PLS1: variants seen among roughly 807,000 people sequenced by gnomAD.
PLS1 encodes plastin-1.
Under a neutral mutation model 73.7 loss-of-function variants are expected in PLS1, and 32 were observed. That is an observed-to-expected ratio of 0.43 (90% CI 0.33 to 0.58). The LOEUF (loss-of-function observed/expected upper bound fraction) is 0.58, where lower values mean the gene tolerates loss of function less well. Among genes scored for constraint, PLS1 ranks in the 20% least tolerant of loss-of-function variants. The pLI is 0.04. For synonymous variants in PLS1, 217 were observed against 261.3 expected (o/e 0.83, Z 1.63); for missense variants, 633 against 740.5 (o/e 0.85, Z 1.68).
At chr3:142,639,640 G>A (rs991258502) in intron 1 of PLS1, among the ~76,000 whole-genome samples, 3 of 151,980 alleles carry the variant, frequency 2.0e-5, no homozygotes, top group African/African-American at 7.3e-5. Flanking sequence ...TACTAACATT[G>A]CTGTTTAGCT....
chr3:142,689,856 C>CA, intron 10 of PLS1, 43 bp downstream of exon 10: 1 of 1,265,246 alleles, frequency 7.9e-7, no homozygotes, highest in Non-Finnish European at 1.1e-6. Context: ...TATTTATCTT[C>CA]TTATGGTATT....
intron 14 of PLS1, among the ~76,000 whole-genome samples, chr3:142,706,038 A>G (rs556867182): frequency 5.9e-5 from 9 of 152,188 alleles, no homozygotes; most frequent in Non-Finnish European, 1.3e-4. Context: ...TATTCTTTAA[A>G]ATTGTTATGT....
At chr3:142,696,855 AT>A (rs899886900) in intron 11 of PLS1, among the ~76,000 whole-genome samples, 57 of 149,308 alleles carry the variant, frequency 3.8e-4, no homozygotes, top group African/African-American at 1.4e-3. Context: ...TACTTCAGTG[AT>A]TTTTTTTTAT....
intron 12 of PLS1, among the ~76,000 whole-genome samples, chr3:142,700,679 T>G (rs888979421): frequency 6.6e-6 from 1 of 152,238 alleles, no homozygotes; most frequent in Non-Finnish European, 1.5e-5. Context: ...TATGTAACTC[T>G]TCTCATTGTC....
chr3:142,696,173 G>A (rs1392771445), intron 11 of PLS1, among the ~76,000 whole-genome samples: 1 of 152,186 alleles, frequency 6.6e-6, no homozygotes, highest in Non-Finnish European at 1.5e-5. Flanking sequence ...TAATTAAAGA[G>A]TAAGCTTAAA....
rs1033845315 is a variant in PLS1 at position 142,676,939 on chromosome 3, C to CT, written c.497+659dup. Among the ~76,000 whole-genome samples the CT allele has an allele frequency of 2.1e-4, 32 of 151,190 alleles. 1 individual carries two copies. The highest frequency in any genetic ancestry group is 8.4e-4 in the South Asian group (4 of 4,760). ...AATATTCTAACACATTTCCTTCAGT[C>CT]TTTTTTTTTATGTTTTTACTTAAAA... is the stretch of plus-strand genomic sequence containing the variant. On this transcript the variant is annotated intron_variant, in intron 5 of 15. Transcript: ENST00000457734.
Position 142,704,576 on chromosome 3 carries a change from C to T in PLS1, c.1619C>T (p.Ser540Phe). 1.3e-6 allele frequency: 2 copies of T among 1,582,794 alleles called. No individual in the cohort carries two copies. Among genetic ancestry groups the T allele is most frequent in the African/African-American group, 1.4e-5 (1 of 72,254 alleles). ...LKSANKKTSI[S>F]SFKDKSISTS... Reference sequence around the variant, plus strand: ...AGTGCAAACAAAAAGACTTCTATTTCCAGCTTCAAGGTAATCAAGAGTCCT... The same window carrying T: ...AGTGCAAACAAAAAGACTTCTATTTTCAGCTTCAAGGTAATCAAGAGTCCT... Residue 540 changes from serine (S) to phenylalanine (F), a missense_variant, in exon 14 of 16, where the codon TCC (serine) becomes TTC (phenylalanine). By Grantham distance (155) the Ser-to-Phe change is radical (BLOSUM62 -2). Transcript: ENST00000457734.
intron 15 of PLS1, 91 bp downstream of exon 15, chr3:142,711,716 T>A: frequency 7.6e-7 from 1 of 1,323,542 alleles, no homozygotes. Flanking sequence ...AAATTCATAT[T>A]TTTAAATATA....
At chr3:142,628,952 C>T (rs1017970602) in intron 1 of PLS1, among the ~76,000 whole-genome samples, 2 of 152,180 alleles carry the variant, frequency 1.3e-5, no homozygotes, top group Admixed American at 6.5e-5. Flanking sequence ...TGACGAAATT[C>T]TCTTATGGCA....
intron 2 of PLS1, among the ~76,000 whole-genome samples, chr3:142,669,147 G>C (rs1294847570): frequency 2.0e-5 from 3 of 152,086 alleles, no homozygotes; most frequent in Non-Finnish European, 4.4e-5. Flanking sequence ...CCTGGGCTCA[G>C]GCAGTCCCCT....
chr3:142,651,475 A>C (rs2037090299), intron 1 of PLS1, among the ~76,000 whole-genome samples: 1 of 151,366 alleles, frequency 6.6e-6, no homozygotes, highest in South Asian at 2.1e-4. Flanking sequence ...AAAAAAAAAA[A>C]AAAAAAAAAA....
chr3:142,664,398 C>A, intron 2 of PLS1, 91 bp downstream of exon 2: 2 of 623,872 alleles, frequency 3.2e-6, no homozygotes, highest in Admixed American at 2.7e-5. Context: ...CATCTACCAC[C>A]ACCCAATTAC....
At chr3:142,647,475 T>C (rs2036977037) in intron 1 of PLS1, among the ~76,000 whole-genome samples, 1 of 151,372 alleles carries the variant, frequency 6.6e-6, no homozygotes, top group Non-Finnish European at 1.5e-5. Flanking sequence ...GTAGTCTGCC[T>C]GTTCATTTTT....
intron 1 of PLS1, among the ~76,000 whole-genome samples, chr3:142,651,180 C>T (rs2037079834): frequency 1.3e-5 from 2 of 151,772 alleles, no homozygotes; most frequent in East Asian, 3.9e-4. Context: ...GGAGACAGGG[C>T]CGGGCACAGT....
chr3:142,645,577 G>A (rs2036936139), intron 1 of PLS1: 1 of 152,162 alleles, frequency 6.6e-6, no homozygotes, highest in Non-Finnish European at 1.5e-5. Context: ...TTACAAACCA[G>A]GAGGTAATAC....
intron 1 of PLS1, among the ~76,000 whole-genome samples, chr3:142,622,210 A>T (rs917886526): frequency 6.6e-6 from 1 of 152,208 alleles, no homozygotes; most frequent in Non-Finnish European, 1.5e-5. Context: ...TTCAATACAG[A>T]TGTCCTTTAA....
rs1476929975 is a variant in PLS1 at position 142,600,897 on chromosome 3, TATATATATATATATA to T, written c.-37+4389_-37+4403del. Among the ~76,000 whole-genome samples, 70 of 29,796 alleles carry T rather than the reference TATATATATATATATA, an allele frequency of 2.3e-3. 5 individuals carry two copies. Among genetic ancestry groups the T allele is most frequent in the African/African-American group, 0.011 (60 of 5,366 alleles). The allele number at this position is 29,796 out of a possible 152,430, so 19.5% of individuals were successfully genotyped here. A position where few individuals can be genotyped will look rare whatever the true frequency, so the allele number is the denominator to read the frequency against. On this transcript the variant is annotated intron_variant, in intron 1 of 15. Transcript: ENST00000457734. ...GGTTTCATATATATATATATATATATATATATATATATATATATATTTTTTTTTTTTTTTTTTTTT... is the reference window on the plus strand; with the variant it reads ...GGTTTCATATATATATATATATATATTATATTTTTTTTTTTTTTTTTTTTT...
At chr3:142,682,143 A>G (rs1021935804) in intron 6 of PLS1, among the ~76,000 whole-genome samples, 1 of 152,160 alleles carries the variant, frequency 6.6e-6, no homozygotes, top group Non-Finnish European at 1.5e-5. Context: ...GAGAGGGGGC[A>G]AGAGGGCAAG....
At chr3:142,608,219 A>C (rs1362814202) in intron 1 of PLS1, among the ~76,000 whole-genome samples, 1 of 152,170 alleles carries the variant, frequency 6.6e-6, no homozygotes, top group Non-Finnish European at 1.5e-5. Context: ...AACTTAAGAT[A>C]TGTTTTCCTA....
Sources: allele counts gnomAD v4.1 joint callset (sites outside exome capture counted in the v4.1 genomes callset), GRCh38; gene constraint gnomAD v4.1.1; transcripts MANE v1.5; gene names NCBI Gene and HGNC (gene_info 2026-07-23, HGNC 2026-07-21).